Variants in CYREN observed in about 807,000 individuals in gnomAD.
The protein encoded by CYREN is cell cycle regulator of non-homologous end joining.
A neutral mutation model predicts 9.7 loss-of-function variants in CYREN; 7 were observed. The observed-to-expected ratio is 0.72, with a 90% CI of 0.41 to 1.36. The LOEUF (loss-of-function observed/expected upper bound fraction) is 1.36, where lower values mean the gene tolerates loss of function less well. CYREN is among the 40% of genes most tolerant of loss of function. CYREN has a pLI of 0.01. For missense variants in CYREN, 215 were observed against 198.1 expected (o/e 1.09, Z -0.51); for synonymous variants, 76 against 77.9 (o/e 0.98, Z 0.13).
intron 2 of CYREN, among the ~76,000 whole-genome samples, chr7:135,112,213 T>A (rs1825741051): frequency 6.6e-6 from 1 of 152,220 alleles, no homozygotes; most frequent in African/African-American, 2.4e-5. Context: ...GCCTCCTAAT[T>A]TGTCTCCCTG....
rs1466899434 is a variant in CYREN, at chr7:135,146,261, G to A, written n.356+22488C>T. Among the ~76,000 whole-genome samples the A allele has an allele frequency of 2.6e-5, 4 of 152,146 alleles. No individual in the cohort carries two copies. The East Asian group carries it at 7.7e-4, about 29-fold the overall frequency. ...TCAGAACACCAACACAGAGTTGGTG[G>A]AGCGGTCAGAACTGAATTATCAATT... is the stretch of plus-strand genomic sequence containing the variant. On this transcript the variant is annotated intron_variant and non_coding_transcript_variant, in intron 2 of 2. Transcript: ENST00000459937.
intron 2 of CYREN, among the ~76,000 whole-genome samples, chr7:135,109,487 C>G (rs1218740936): frequency 2.0e-5 from 3 of 152,160 alleles, no homozygotes; most frequent in Non-Finnish European, 4.4e-5. Context: ...AGTCTGCCCG[C>G]TTTCTGTATG....
At chr7:135,117,305 A>G (rs1826456355) in intron 2 of CYREN, among the ~76,000 whole-genome samples, 2 of 152,314 alleles carry the variant, frequency 1.3e-5, no homozygotes, top group East Asian at 3.9e-4. Flanking sequence ...TTAACATGCA[A>G]TTCACCTATT....
At chr7:135,101,174 G>T (rs1335258110) in intron 2 of CYREN, 3 of 455,774 alleles carry the variant, frequency 6.6e-6, no homozygotes, top group South Asian at 4.7e-5. Context: ...TTCCCCTCAA[G>T]GGAACTGATT....
intron 2 of CYREN, chr7:135,135,320 A>C (rs1829297074): frequency 8.9e-6 from 12 of 1,352,012 alleles, no homozygotes; most frequent in Non-Finnish European, 1.2e-5. Context: ...TTATGTAGTA[A>C]AAAGAAAAAA....
At chr7:135,125,315 GAC>G (rs1192473639) in intron 2 of CYREN, among the ~76,000 whole-genome samples, 2 of 151,980 alleles carry the variant, frequency 1.3e-5, no homozygotes, top group African/African-American at 2.4e-5. Context: ...GAAATTCCTG[GAC>G]ACACACACCC....
chr7:135,126,730 T>C (rs4732103), intron 2 of CYREN, among the ~76,000 whole-genome samples: 141,346 of 152,220 alleles, frequency 0.93, 66,448 homozygotes, highest in Non-Finnish European at 1. Flanking sequence ...CTACAACTAT[T>C]TGATCTTTGA....
At chr7:135,117,327 AC>A (rs1826460004) in intron 2 of CYREN, among the ~76,000 whole-genome samples, 1 of 151,486 alleles carries the variant, frequency 6.6e-6, no homozygotes, top group Non-Finnish European at 1.5e-5. Flanking sequence ...ATCCACCTAG[AC>A]CCTATTCATT....
intron 2 of CYREN, among the ~76,000 whole-genome samples, chr7:135,095,183 G>T (rs1822476635): frequency 6.6e-6 from 1 of 152,136 alleles, no homozygotes; most frequent in East Asian, 1.9e-4. Context: ...TCACTGGAGG[G>T]TTGGAGGAAG....
At chr7:135,108,938 T>C (rs1825188958) in intron 2 of CYREN, among the ~76,000 whole-genome samples, 1 of 152,246 alleles carries the variant, frequency 6.6e-6, no homozygotes, top group Non-Finnish European at 1.5e-5. Context: ...GAACCAGTCT[T>C]CAAGCTCCAA....
chr7:135,160,184 T>C (rs893819936), intron 2 of CYREN, among the ~76,000 whole-genome samples: 2 of 152,344 alleles, frequency 1.3e-5, no homozygotes, highest in Admixed American at 6.5e-5. Flanking sequence ...TGGTTATTTC[T>C]ACGACCTGAA....
intron 3 of CYREN, 32 bp from the exon 4 acceptor site, chr7:135,166,903 T>C: frequency 6.2e-7 from 1 of 1,601,142 alleles, no homozygotes; most frequent in Non-Finnish European, 8.5e-7. Context: ...AGGCTCAACA[T>C]ACGTGTTTTA....
chr7:135,168,303 C>CCCCCG, intron 2 of CYREN: 1 of 37,256 alleles, frequency 2.7e-5, no homozygotes, highest in Non-Finnish European at 6.7e-5. Context: ...CCCCCCCCCG[C>CCCCCG]CCCCCCCCGG....
downstream of CYREN, chr7:135,165,260 A>C: frequency 2.5e-6 from 1 of 402,334 alleles, no homozygotes; most frequent in Non-Finnish European, 4.6e-6. Flanking sequence ...TCATTGTCAC[A>C]CCAATTCCTG....
At chr7:135,165,303 T>C (rs1348290777), downstream of CYREN, 3 of 284,552 alleles carry the variant, frequency 1.1e-5, no homozygotes, top group Non-Finnish European at 2.1e-5. Flanking sequence ...AATCTTCCTC[T>C]AGCTTCAGGA....
chr7:135,130,320 A>G (rs1283435112), intron 2 of CYREN, among the ~76,000 whole-genome samples: 1 of 152,190 alleles, frequency 6.6e-6, no homozygotes, highest in Non-Finnish European at 1.5e-5. Flanking sequence ...TTAATACCAC[A>G]AACGCTATGG....
chr7:135,134,832 C>A lies in CYREN; in HGVS notation n.356+33917G>T, dbSNP rs116331035. On this transcript the variant is annotated intron_variant and non_coding_transcript_variant, in intron 2 of 2. Transcript: ENST00000459937. Reference sequence around the variant, plus strand: ...GGACAAAAATTCACGTATTTCATTTCTTTTCTAGACTAAATCCGGCTACTT... The same window carrying A: ...GGACAAAAATTCACGTATTTCATTTATTTTCTAGACTAAATCCGGCTACTT... 1.2e-3 allele frequency: 1,904 copies of A among 1,546,538 alleles called. 27 individuals carry two copies. In the African/African-American group the frequency reaches 0.024, roughly 19 times the overall value.
At chr7:135,133,881 C>T (rs983912150) in intron 2 of CYREN, among the ~76,000 whole-genome samples, 2 of 151,740 alleles carry the variant, frequency 1.3e-5, no homozygotes, top group African/African-American at 2.4e-5. Context: ...GTCACAGACT[C>T]AGCAATTATA....
At chr7:135,112,639 G>A (rs4732095) in intron 2 of CYREN, among the ~76,000 whole-genome samples, 73,780 of 152,044 alleles carry the variant, frequency 0.49, 18,272 homozygotes, top group South Asian at 0.66. Flanking sequence ...ATCTCTATAG[G>A]AGTATATTCT....
Sources: allele counts gnomAD v4.1 joint callset (sites outside exome capture counted in the v4.1 genomes callset), GRCh38; gene constraint gnomAD v4.1.1; transcripts MANE v1.5; gene names NCBI Gene and HGNC (gene_info 2026-07-23, HGNC 2026-07-21).